The following MCC variants were observed in gnomAD, a reference collection of about 807,000 sequenced individuals.
MCC encodes the protein colorectal mutant cancer protein.
In MCC, 90 loss-of-function variants were observed where a neutral mutation model predicts 116.2. The ratio of observed to expected loss-of-function variants is 0.77; its 90% CI spans 0.65 to 0.92. The LOEUF is 0.92. Ranked by LOEUF, MCC falls within the 40% of genes least tolerant of loss-of-function variation. The pLI is 0.00. For synonymous variants in MCC, 578 were observed against 510.5 expected, an observed-to-expected ratio of 1.13 and a Z score of -1.78; for missense variants, 1,516 against 1,312.2, an observed-to-expected ratio of 1.16 and a Z score of -2.40.
intron 1 of MCC, among the ~76,000 whole-genome samples, chr5:113,410,646 A>C (rs1272409301): frequency 6.6e-6 from 1 of 152,260 alleles, no homozygotes; most frequent in Non-Finnish European, 1.5e-5. Context: ...GTTATGAGGT[A>C]CATGTGCACA....
intron 3 of MCC, among the ~76,000 whole-genome samples, chr5:113,227,618 A>G (rs923259688): frequency 6.6e-6 from 1 of 152,248 alleles, no homozygotes; most frequent in African/African-American, 2.4e-5. Context: ...CTTTAAAGAA[A>G]ATCATATGTT....
At chr5:113,039,784 C>T (rs528718350) in intron 17 of MCC, among the ~76,000 whole-genome samples, 12 of 135,532 alleles carry the variant, frequency 8.9e-5, no homozygotes, top group Non-Finnish European at 1.5e-4. Flanking sequence ...AAGAATATGA[C>T]GGAGATGAAC....
intron 3 of MCC, among the ~76,000 whole-genome samples, chr5:113,196,458 C>G (rs1762414836): frequency 6.6e-6 from 1 of 152,052 alleles, no homozygotes; most frequent in African/African-American, 2.4e-5. Flanking sequence ...GAATATGGGC[C>G]CCATGTTGCT....
chr5:113,367,384 G>A (rs1482647036), intron 2 of MCC, among the ~76,000 whole-genome samples: 5 of 151,574 alleles, frequency 3.3e-5, no homozygotes, highest in Non-Finnish European at 7.4e-5. Flanking sequence ...AATTTAAGAT[G>A]TACATATATT....
At chr5:113,098,500 A>G (rs1300392850) in intron 8 of MCC, among the ~76,000 whole-genome samples, 1 of 152,248 alleles carries the variant, frequency 6.6e-6, no homozygotes, top group Non-Finnish European at 1.5e-5. Context: ...CCTTGCCTAC[A>G]TTAAGCCCAA....
At chr5:113,117,003 A>C (rs1757433530) in intron 6 of MCC, among the ~76,000 whole-genome samples, 1 of 152,246 alleles carries the variant, frequency 6.6e-6, no homozygotes, top group African/African-American at 2.4e-5. Flanking sequence ...GTTAGAGTAC[A>C]ACTTTCAGTC....
chr5:113,348,149 C>G (rs1467864661), intron 2 of MCC, among the ~76,000 whole-genome samples: 1 of 151,936 alleles, frequency 6.6e-6, no homozygotes, highest in Non-Finnish European at 1.5e-5. Context: ...CAGTGTTGGA[C>G]AGATCTTCCA....
At chr5:113,138,875 A>G (rs1759007748) in intron 5 of MCC, among the ~76,000 whole-genome samples, 1 of 152,136 alleles carries the variant, frequency 6.6e-6, no homozygotes, top group Non-Finnish European at 1.5e-5. Context: ...GGCATGATTG[A>G]TACATCTTCC....
intron 3 of MCC, among the ~76,000 whole-genome samples, chr5:113,193,145 C>T (rs1561445417): frequency 6.6e-6 from 1 of 152,188 alleles, no homozygotes; most frequent in South Asian, 2.1e-4. Context: ...CTCTCTCAGA[C>T]TCTGACTCTT....
intron 14 of MCC, among the ~76,000 whole-genome samples, chr5:113,055,832 T>A (rs1752799072): frequency 6.6e-6 from 1 of 152,206 alleles, no homozygotes; most frequent in Non-Finnish European, 1.5e-5. Flanking sequence ...GGAGACTGTT[T>A]CCATACAGTG....
chr5:113,347,917 G>A (rs1218924307), intron 2 of MCC, among the ~76,000 whole-genome samples: 1 of 151,908 alleles, frequency 6.6e-6, no homozygotes, highest in Non-Finnish European at 1.5e-5. Flanking sequence ...AAGCCAAATA[G>A]TAGCTCTACT....
chr5:113,187,867 T>TTACA (rs1761977082), intron 3 of MCC, among the ~76,000 whole-genome samples: 1 of 151,970 alleles, frequency 6.6e-6, no homozygotes, highest in Admixed American at 6.5e-5. Flanking sequence ...TGAGCCATAC[T>TTACA]TTAGACAGAA....
chr5:113,434,337 C>G lies in MCC; in HGVS notation c.171-49125G>C, dbSNP rs370626526. 6.2e-7 allele frequency: 1 copy of G among 1,613,748 alleles called. No homozygotes were observed. Among genetic ancestry groups the G allele is most frequent in the Non-Finnish European group, 8.5e-7 (1 of 1,179,790 alleles). On this transcript the variant is annotated intron_variant, in intron 1 of 18. Transcript: ENST00000408903. This position sits in a 1 kb window ranked among gnomAD's most constrained non-coding sequence, Gnocchi z 4.2. The stretch of plus-strand genomic sequence containing the variant: ...ACAGAAGGTCTTGCTTAATGCCATT[C>G]GACCACTGTCATCCCGCAGGCAGCG...
chr5:113,036,012 C>CTTTTTTTTTTTTTTTTTTT (rs771378295), intron 17 of MCC, among the ~76,000 whole-genome samples: 3 of 62,904 alleles, frequency 4.8e-5, no homozygotes, highest in African/African-American at 2.0e-4. Flanking sequence ...GGATGAGGAA[C>CTTTTTTTTTTTTTTTTTTT]TTTTTTTTTT....
intron 8 of MCC, among the ~76,000 whole-genome samples, chr5:113,100,609 C>G (rs565143730): frequency 2.0e-5 from 3 of 151,660 alleles, no homozygotes; most frequent in African/African-American, 7.3e-5. Context: ...GTAGCTGGGA[C>G]TACAGGCACA....
intron 3 of MCC, among the ~76,000 whole-genome samples, chr5:113,295,608 A>T (rs1022908294): frequency 2.6e-5 from 4 of 151,310 alleles, no homozygotes; most frequent in African/African-American, 9.7e-5. Flanking sequence ...AGTGTGGAGT[A>T]TGATTCAGAA....
intron 3 of MCC, among the ~76,000 whole-genome samples, chr5:113,174,192 G>C (rs1034886723): frequency 2.6e-5 from 4 of 152,156 alleles, no homozygotes; most frequent in East Asian, 1.9e-4. Flanking sequence ...TCCAAGGTAG[G>C]GGTGGGTAGA....
At chr5:113,219,200 G>C (rs1763446992) in intron 3 of MCC, among the ~76,000 whole-genome samples, 1 of 152,164 alleles carries the variant, frequency 6.6e-6, no homozygotes, top group Non-Finnish European at 1.5e-5. Context: ...AAATGTTGGG[G>C]TGCTGAAGAT....
At chr5:113,188,308 T>C (rs1437216096) in intron 3 of MCC, among the ~76,000 whole-genome samples, 1 of 152,200 alleles carries the variant, frequency 6.6e-6, no homozygotes, top group Non-Finnish European at 1.5e-5. Flanking sequence ...ATTCTTCTCA[T>C]TGTTTACCAA....
Sources: gnomAD v4.1 joint callset for allele counts (sites outside exome capture counted in the v4.1 genomes callset) on GRCh38, gnomAD v4.1.1 for gene constraint, Gnocchi (gnomAD v3.1) non-coding constraint, MANE v1.5 for transcripts, NCBI Gene and HGNC (gene_info 2026-07-23, HGNC 2026-07-21) for gene names.